The following IL1RAPL1 variants were observed in gnomAD, a reference collection of about 807,000 sequenced individuals.
IL1RAPL1 encodes interleukin 1 receptor accessory protein like 1, also known as interleukin-1 receptor accessory protein-like 1.
In IL1RAPL1, 3 loss-of-function variants were observed where a neutral mutation model predicts 48.4. That is an observed-to-expected ratio of 0.06 (90% confidence interval 0.03 to 0.16). IL1RAPL1 has a LOEUF of 0.16. Among genes scored for constraint, IL1RAPL1 ranks in the 10% least tolerant of loss-of-function variants. The pLI is 1.00. For missense variants in IL1RAPL1, 349 were observed against 530.6 expected, an observed-to-expected ratio of 0.66 and a Z score of 3.36; for synonymous variants, 185 against 187.7, an observed-to-expected ratio of 0.99 and a Z score of 0.12.
At position 29,956,672 on chromosome X, in the gene IL1RAPL1, T is replaced by TATATAA. The variant is rs1424709488; in HGVS notation, c.*864_*869dup. 3.3e-5 allele frequency: 3 copies of TATATAA among 90,200 alleles called. No individual in the cohort carries two copies. Among genetic ancestry groups the TATATAA allele is most frequent in the Non-Finnish European group, 4.3e-5 (2 of 46,840 alleles). The allele number at this position is 90,200 out of a possible 1,213,427, so 7.4% of individuals were successfully genotyped here. ...GTACCCTTATATATATATACATATA[T>TATATAA]ATATAAATATAAATATATATAAAAA... On this transcript the variant is annotated 3_prime_UTR_variant, in exon 11 of 11. Coordinates refer to ENST00000378993, the MANE Select transcript of IL1RAPL1 (RefSeq NM_014271.4).
In IL1RAPL1 at chrX:28,825,788, TA is replaced by T. The variant is rs767726991; in HGVS notation, c.82+36364del. Among the ~76,000 whole-genome samples, 537 of 111,718 alleles carry T rather than the reference TA, an allele frequency of 4.8e-3. 5 individuals carry two copies. The highest frequency in any genetic ancestry group is 0.017 in the African/African-American group (521 of 30,910). ...ATAGTAATTGATTAGATTAGTATGC[TA>T]TTTTTTTGAATATAGTAGCAGTGAC... On this transcript the variant is annotated intron_variant, in intron 2 of 10. Coordinates refer to ENST00000378993, the MANE Select transcript of IL1RAPL1 (RefSeq NM_014271.4).
intron 6 of IL1RAPL1, among the ~76,000 whole-genome samples, chrX:29,913,136 G>T (rs1214372689): frequency 9.0e-6 from 1 of 111,199 alleles, no homozygotes; most frequent in African/African-American, 3.3e-5. Context: ...TAGAGACTCA[G>T]GTGTGAGCTT....
At chrX:28,910,194 A>G (rs1290283468) in intron 2 of IL1RAPL1, among the ~76,000 whole-genome samples, 1 of 111,489 alleles carries the variant, frequency 9.0e-6, no homozygotes, top group Non-Finnish European at 1.9e-5. Context: ...GTTCTCTGAC[A>G]TGAAAGGAAG....
intron 6 of IL1RAPL1, among the ~76,000 whole-genome samples, chrX:29,916,676 C>T (rs916665455): frequency 8.9e-6 from 1 of 111,853 alleles, no homozygotes; most frequent in Non-Finnish European, 1.9e-5. Flanking sequence ...TGTAAAGTGG[C>T]ATGAAATATC....
At chrX:29,310,135 GAA>G (rs763228577) in intron 3 of IL1RAPL1, among the ~76,000 whole-genome samples, 46 of 41,130 alleles carry the variant, frequency 1.1e-3, no homozygotes, top group African/African-American at 3.4e-3. Context: ...AAAAAGAAAG[GAA>G]AAAAAAAAAA....
intron 2 of IL1RAPL1, among the ~76,000 whole-genome samples, chrX:29,192,575 T>C (rs1360541750): frequency 8.9e-6 from 1 of 112,106 alleles, no homozygotes; most frequent in African/African-American, 3.2e-5. Context: ...ATTCTCAACA[T>C]TGAATGCCAT....
intron 2 of IL1RAPL1, among the ~76,000 whole-genome samples, chrX:28,831,650 T>TA (rs1484671717): frequency 1.8e-5 from 2 of 111,209 alleles, no homozygotes; most frequent in African/African-American, 3.3e-5. Flanking sequence ...TTATTTTTAC[T>TA]AAAAGTCAGC....
chrX:28,798,024 A>G (rs1442508430), intron 2 of IL1RAPL1, among the ~76,000 whole-genome samples: 1 of 110,800 alleles, frequency 9.0e-6, no homozygotes, highest in Non-Finnish European at 1.9e-5. Flanking sequence ...TTTTAAAACC[A>G]TCAGATCTCA....
intron 2 of IL1RAPL1, among the ~76,000 whole-genome samples, chrX:28,937,951 A>C (rs1225017241): frequency 9.0e-6 from 1 of 111,330 alleles, no homozygotes; most frequent in Non-Finnish European, 1.9e-5. Flanking sequence ...CTAGGAATAC[A>C]GCTAACTAGT....
chrX:29,809,775 A>AG (rs1930341536), intron 6 of IL1RAPL1, among the ~76,000 whole-genome samples: 1 of 103,898 alleles, frequency 9.6e-6, no homozygotes, highest in African/African-American at 3.8e-5. Flanking sequence ...CAAGTCGTTA[A>AG]CTTTTTTTTT....
At chrX:29,031,455 C>T (rs1048490450) in intron 2 of IL1RAPL1, among the ~76,000 whole-genome samples, 1 of 111,492 alleles carries the variant, frequency 9.0e-6, no homozygotes, top group Non-Finnish European at 1.9e-5. Flanking sequence ...AATATTCTCC[C>T]AGGAAGATGG....
At chrX:29,711,474 C>T (rs941795638) in intron 6 of IL1RAPL1, among the ~76,000 whole-genome samples, 4 of 110,943 alleles carry the variant, frequency 3.6e-5, no homozygotes, top group Admixed American at 9.6e-5. Flanking sequence ...TGAGCCACCG[C>T]GCCTAGCCAG....
At chrX:29,590,838 C>A (rs1294900374) in intron 5 of IL1RAPL1, among the ~76,000 whole-genome samples, 1 of 112,009 alleles carries the variant, frequency 8.9e-6, no homozygotes, top group African/African-American at 3.2e-5. Flanking sequence ...ACTCACCTAC[C>A]ACAGCTTCTC....
chrX:29,016,868 CAT>C (rs1400423959), intron 2 of IL1RAPL1, among the ~76,000 whole-genome samples: 1 of 111,233 alleles, frequency 9.0e-6, no homozygotes, highest in Non-Finnish European at 1.9e-5. Context: ...CATATATACA[CAT>C]GGACATAAAC....
At chrX:29,432,028 T>C (rs950074979) in intron 5 of IL1RAPL1, among the ~76,000 whole-genome samples, 1 of 111,532 alleles carries the variant, frequency 9.0e-6, no homozygotes, top group Non-Finnish European at 1.9e-5. Flanking sequence ...CTGTGGAACA[T>C]TGCATTAATT....
chrX:28,722,654 A>T lies in IL1RAPL1; in HGVS notation c.-24-66666A>T, dbSNP rs180963567. ...TTGAATAGGAGTGGTGAGAGAGGGC[A>T]TCCCTGTCTTATGCCAGTTTTCGAA... On this transcript the variant is annotated intron_variant, in intron 1 of 10. Transcript: ENST00000378993. Among the ~76,000 whole-genome samples the T allele has an allele frequency of 3.6e-5, 4 of 111,706 alleles. No homozygotes were observed. In the East Asian group the frequency reaches 1.1e-3, roughly 31 times the overall value.
At chrX:29,508,542 G>T (rs1569327018) in intron 5 of IL1RAPL1, among the ~76,000 whole-genome samples, 1 of 110,594 alleles carries the variant, frequency 9.0e-6, no homozygotes, top group Non-Finnish European at 1.9e-5. Context: ...AATACCCAAA[G>T]AAAAAAAACA....
chrX:29,255,543 T>C (rs1931742938), intron 2 of IL1RAPL1, among the ~76,000 whole-genome samples: 1 of 111,156 alleles, frequency 9.0e-6, no homozygotes, highest in Admixed American at 9.6e-5. Context: ...GGGCTTCTAA[T>C]GATCCTGTTG....
At chrX:29,569,701 A>G (rs544895494) in intron 5 of IL1RAPL1, among the ~76,000 whole-genome samples, 2 of 111,723 alleles carry the variant, frequency 1.8e-5, no homozygotes, top group South Asian at 7.4e-4. Context: ...TTAATGAGAA[A>G]AATTCACGTT....
Sources: allele counts gnomAD v4.1 joint callset (sites outside exome capture counted in the v4.1 genomes callset), GRCh38; gene constraint gnomAD v4.1.1; transcripts MANE v1.5; gene names NCBI Gene and HGNC (gene_info 2026-07-23, HGNC 2026-07-21).